The following DLGAP2 variants were observed in gnomAD, a reference collection of about 807,000 sequenced individuals.
DLGAP2 encodes the protein disks large-associated protein 2.
A neutral mutation model predicts 100.3 loss-of-function variants in DLGAP2; 26 were observed. The observed-to-expected ratio is 0.26, with a 90% CI of 0.19 to 0.36. The LOEUF is 0.36. Among genes scored for constraint, DLGAP2 ranks in the 10% least tolerant of loss-of-function variants. The pLI is 1.00. For synonymous variants in DLGAP2, 886 were observed against 630.1 expected (o/e 1.41, Z -6.08); for missense variants, 1,858 against 1,453.2 (o/e 1.28, Z -4.53).
At position 874,728 on chromosome 8, in the gene DLGAP2, A is replaced by G. The variant is rs1373852713; in HGVS notation, c.19-33184A>G. On this transcript the variant is annotated intron_variant, in intron 1 of 14. Coordinates refer to ENST00000637795, the MANE Select transcript of DLGAP2 (RefSeq NM_001346810.2). ...TGTTGTATTGGTGATTGCTAGGTCT[A>G]ATGGGTTTACAGTGTTGTTCAAGCC... Among the ~76,000 whole-genome samples, 10 of 152,176 alleles carry G rather than the reference A, an allele frequency of 6.6e-5. No individual in the cohort carries two copies. In the South Asian group the frequency reaches 1.9e-3, roughly 28 times the overall value.
At chr8:1,563,706 G>C (rs1002717701) in intron 5 of DLGAP2, among the ~76,000 whole-genome samples, 1 of 152,074 alleles carries the variant, frequency 6.6e-6, no homozygotes, top group Admixed American at 6.5e-5. Context: ...CTCCTGTCCT[G>C]GGCTGCAATG....
At chr8:1,505,305 A>G (rs1799867833) in intron 4 of DLGAP2, among the ~76,000 whole-genome samples, 1 of 152,242 alleles carries the variant, frequency 6.6e-6, no homozygotes, top group Non-Finnish European at 1.5e-5. Flanking sequence ...ATGCTGTGGG[A>G]CATTTTACAG....
chr8:1,517,036 C>T lies in DLGAP2; in HGVS notation c.172+15605C>T, dbSNP rs151124026. ...GAGGTGAGGAAGGCTTTCTCACCTCCGCGGTCACCAGGAATCGAGGTTCAG... is the reference window on the plus strand; with the variant it reads ...GAGGTGAGGAAGGCTTTCTCACCTCTGCGGTCACCAGGAATCGAGGTTCAG... On this transcript the variant is annotated intron_variant, in intron 4 of 14. Coordinates refer to ENST00000637795, the MANE Select transcript of DLGAP2 (RefSeq NM_001346810.2). Among the ~76,000 whole-genome samples, 13 of 152,272 alleles carry T rather than the reference C, an allele frequency of 8.5e-5. No homozygotes were observed. The East Asian group carries it at 1.9e-3, about 23-fold the overall frequency.
chr8:1,617,127 C>T (rs1797181483), intron 6 of DLGAP2, among the ~76,000 whole-genome samples: 1 of 152,176 alleles, frequency 6.6e-6, no homozygotes, highest in South Asian at 2.1e-4. Context: ...CTTTATCTGT[C>T]TACCATTGAT....
chr8:973,267 C>T (rs1187645226), intron 2 of DLGAP2, among the ~76,000 whole-genome samples: 1 of 146,998 alleles, frequency 6.8e-6, no homozygotes, highest in Non-Finnish European at 1.5e-5. Flanking sequence ...CCACCTCCCT[C>T]CCGGACGGGG....
chr8:1,239,317 C>T (rs1290071282), intron 2 of DLGAP2, among the ~76,000 whole-genome samples: 4 of 11,006 alleles, frequency 3.6e-4, no homozygotes, highest in African/African-American at 2.4e-3. Flanking sequence ...CACATGGCAC[C>T]GTGCCTAGTT....
At chr8:1,162,047 C>T (rs60394043) in intron 2 of DLGAP2, among the ~76,000 whole-genome samples, 1 of 152,004 alleles carries the variant, frequency 6.6e-6, no homozygotes, top group East Asian at 1.9e-4. Flanking sequence ...GAGGGGAGCC[C>T]GGAGCCTGCG....
At chr8:1,205,502 C>T (rs370711757) in intron 2 of DLGAP2, among the ~76,000 whole-genome samples, 3 of 152,190 alleles carry the variant, frequency 2.0e-5, no homozygotes, top group South Asian at 2.1e-4. Context: ...GACAGGGGGA[C>T]CCTCTGTGGC....
intron 8 of DLGAP2, among the ~76,000 whole-genome samples, chr8:1,638,946 T>C (rs1176793465): frequency 6.6e-6 from 1 of 152,080 alleles, no homozygotes; most frequent in Admixed American, 6.5e-5. Context: ...GAGAGCTGGG[T>C]CATGGAGTGC....
At chr8:982,337 T>C (rs561176859) in intron 2 of DLGAP2, among the ~76,000 whole-genome samples, 17 of 152,338 alleles carry the variant, frequency 1.1e-4, no homozygotes, top group African/African-American at 3.6e-4. Flanking sequence ...TAATAATTTT[T>C]ATTTTCAACT....
intron 1 of DLGAP2, among the ~76,000 whole-genome samples, chr8:784,805 A>C (rs1263521459): frequency 6.6e-6 from 1 of 152,188 alleles, no homozygotes; most frequent in African/African-American, 2.4e-5. Flanking sequence ...CATAATTAAC[A>C]TGGGAAAGGT....
At chr8:1,107,569 C>A (rs909544870) in intron 2 of DLGAP2, among the ~76,000 whole-genome samples, 1 of 152,202 alleles carries the variant, frequency 6.6e-6, no homozygotes, top group Non-Finnish European at 1.5e-5. Flanking sequence ...AGCGGAATTC[C>A]AGGGTGGAAA....
chr8:1,434,844 C>G (rs1250179799), intron 3 of DLGAP2, among the ~76,000 whole-genome samples: 4 of 152,154 alleles, frequency 2.6e-5, no homozygotes, highest in Non-Finnish European at 5.9e-5. Context: ...TTCCTTCCTC[C>G]TCCCTTCATC....
chr8:796,539 C>G (rs540657858), intron 1 of DLGAP2, among the ~76,000 whole-genome samples: 1 of 152,286 alleles, frequency 6.6e-6, no homozygotes, highest in East Asian at 1.9e-4. Context: ...CTCCCCATGC[C>G]ACTCCCTTTG....
At chr8:1,582,251 G>GC (rs1176236346) in intron 6 of DLGAP2, among the ~76,000 whole-genome samples, 1 of 93,096 alleles carries the variant, frequency 1.1e-5, no homozygotes, top group Non-Finnish European at 2.0e-5. Context: ...ATACAGACAA[G>GC]CCCCACACAC....
At chr8:1,138,481 G>A (rs1487903839) in intron 2 of DLGAP2, among the ~76,000 whole-genome samples, 1 of 152,168 alleles carries the variant, frequency 6.6e-6, no homozygotes, top group Non-Finnish European at 1.5e-5. Flanking sequence ...CGGCCCTCAG[G>A]TCCACGGGGC....
chr8:1,319,839 G>A (rs777051099), intron 3 of DLGAP2, among the ~76,000 whole-genome samples: 2 of 152,180 alleles, frequency 1.3e-5, no homozygotes, highest in Non-Finnish European at 2.9e-5. Flanking sequence ...GGCAAGGTCA[G>A]GTTGCTGGAG....
intron 2 of DLGAP2, among the ~76,000 whole-genome samples, chr8:916,529 G>T (rs949520021): frequency 6.6e-6 from 1 of 152,176 alleles, no homozygotes; most frequent in African/African-American, 2.4e-5. Flanking sequence ...CCTGTTGAGG[G>T]ATAGCATTAG....
intron 1 of DLGAP2, among the ~76,000 whole-genome samples, chr8:827,367 A>G (rs1796701249): frequency 1.3e-5 from 2 of 152,198 alleles, no homozygotes; most frequent in Admixed American, 1.3e-4. Flanking sequence ...ACTTGCATGC[A>G]AATTCATTTA....
Sources: allele counts gnomAD v4.1 joint callset (sites outside exome capture counted in the v4.1 genomes callset), GRCh38; gene constraint gnomAD v4.1.1; transcripts MANE v1.5; gene names NCBI Gene and HGNC (gene_info 2026-07-23, HGNC 2026-07-21).